ZNF883: variants seen among roughly 807,000 people sequenced by gnomAD.
The protein encoded by ZNF883 is zinc finger protein 883.
rs1828545832 is a variant in ZNF883 at position 113,012,137 on chromosome 9, A to G, written n.78+13T>C. 1 of 152,320 alleles carries G rather than the reference A, an allele frequency of 6.6e-6. No individual in the cohort carries two copies. Among genetic ancestry groups the G allele is most frequent in the East Asian group, 1.9e-4 (1 of 5,180 alleles). The allele number at this position is 152,320 out of a possible 1,614,324, so 9.4% of individuals were successfully genotyped here. A position where few individuals can be genotyped will look rare whatever the true frequency, so the allele number is the denominator to read the frequency against. On this transcript the variant is annotated intron_variant and non_coding_transcript_variant, in intron 1 of 4. Coordinates refer to the ZNF883 transcript ENST00000638622. Reference sequence around the variant, plus strand: ...CCCACACGAGTGCAAGGGTCGGGAAAGAAAAAGCTCACCTGCTCCACCGAA... The same window carrying G: ...CCCACACGAGTGCAAGGGTCGGGAAGGAAAAAGCTCACCTGCTCCACCGAA...
At chr9:113,008,568 T>C (rs1828500898) in intron 2 of ZNF883, among the ~76,000 whole-genome samples, 1 of 152,242 alleles carries the variant, frequency 6.6e-6, no homozygotes, top group South Asian at 2.1e-4. Context: ...TAAGTGTTGA[T>C]GGATATTAGA....
chr9:112,999,675 T>TAA, upstream of ZNF883: 1 of 152,314 alleles, frequency 6.6e-6, no homozygotes, highest in South Asian at 2.1e-4. Context: ...ATTTACCAGT[T>TAA]TATTATAAAG....
At chr9:113,001,852 C>G (rs1194865424), upstream of ZNF883, 3 of 152,116 alleles carry the variant, frequency 2.0e-5, no homozygotes, top group African/African-American at 7.2e-5. Context: ...AGACTATTTA[C>G]AAAGTTTTAA....
chr9:113,004,822 T>G (rs1183012576), intron 2 of ZNF883, among the ~76,000 whole-genome samples: 2 of 150,584 alleles, frequency 1.3e-5, no homozygotes, highest in African/African-American at 4.9e-5. Context: ...ACATATTCTA[T>G]AGCTACATTA....
chr9:113,001,321 C>T (rs531950174), upstream of ZNF883, among the ~76,000 whole-genome samples: 23 of 151,940 alleles, frequency 1.5e-4, no homozygotes, highest in African/African-American at 5.1e-4. Context: ...AGCTGGTGAA[C>T]GGCAGAGAAT....
chr9:113,001,191 A>G (rs1828418529), upstream of ZNF883, among the ~76,000 whole-genome samples: 1 of 151,938 alleles, frequency 6.6e-6, no homozygotes, highest in Non-Finnish European at 1.5e-5. Flanking sequence ...GATATTAGCT[A>G]CAAGTCTGAA....
chr9:112,997,427 G>A, exon 1 of ZNF883: 2 of 1,614,018 alleles, frequency 1.2e-6, no homozygotes, highest in South Asian at 2.2e-5. Context: ...AGTAAGGTGT[G>A]TACTTCGACT....
exon 1 of ZNF883, chr9:112,997,470 G>A: frequency 6.2e-7 from 1 of 1,614,100 alleles, no homozygotes; most frequent in Non-Finnish European, 8.5e-7. Context: ...CAAACATAGG[G>A]CTTCTCTCCA....
At chr9:112,997,163 C>G (rs116612685) in exon 1 of ZNF883, 2 of 1,610,280 alleles carry the variant, frequency 1.2e-6, no homozygotes, top group African/African-American at 1.3e-5. Flanking sequence ...TTTCTGATGT[C>G]GAATTAAGGA....
chr9:112,995,342 T>C (rs992640883), downstream of ZNF883, among the ~76,000 whole-genome samples: 1 of 151,844 alleles, frequency 6.6e-6, no homozygotes, highest in Non-Finnish European at 1.5e-5. Flanking sequence ...AACTCAAGAC[T>C]AGAACTTTAC....
upstream of ZNF883, among the ~76,000 whole-genome samples, chr9:112,999,487 C>T (rs746289727): frequency 3.9e-5 from 6 of 152,022 alleles, no homozygotes; most frequent in Non-Finnish European, 8.8e-5. Flanking sequence ...GCATCATATC[C>T]CTCAAGTTAA....
In ZNF883 at chr9:112,997,252, T is replaced by C. The variant is rs777319616; in HGVS notation, n.1008A>G. 18 of 1,614,008 alleles carry C rather than the reference T, an allele frequency of 1.1e-5. No homozygotes were observed. In the South Asian group the frequency reaches 1.8e-4, roughly 16 times the overall value. On this transcript the variant is annotated non_coding_transcript_exon_variant, in exon 1 of 1. Coordinates refer to ENST00000639662, the Ensembl canonical transcript of ZNF883. ...TTGTATGTATTCGCTTATGTTTAGT[T>C]AGAGCTGAGCTTAAGCTGAAGGATT... is the stretch of plus-strand genomic sequence containing the variant.
In ZNF883 at chr9:112,997,172, G is replaced by T. The variant is rs758265345; in HGVS notation, n.1088C>A. The T allele has an allele frequency of 5.0e-6, 8 of 1,612,562 alleles. No individual in the cohort carries two copies. The South Asian group carries it at 7.7e-5, about 16-fold the overall frequency. ...ATGAGTTTTCTGATGTCGAATTAAG[G>T]ATGTACTATGACAAAAGACATCACC... On this transcript the variant is annotated non_coding_transcript_exon_variant, in exon 1 of 1. Transcript: ENST00000639662.
chr9:112,993,695 C>G (rs1406107075), downstream of ZNF883, among the ~76,000 whole-genome samples: 2 of 152,238 alleles, frequency 1.3e-5, no homozygotes, highest in Admixed American at 6.5e-5. Context: ...CCACCCCTCC[C>G]CACAAGAGCT....
downstream of ZNF883, among the ~76,000 whole-genome samples, chr9:112,993,247 GAT>G (rs757457430): frequency 2.0e-5 from 3 of 152,192 alleles, no homozygotes; most frequent in Non-Finnish European, 2.9e-5. Context: ...CTGACCTTTG[GAT>G]ATGTTTTTTG....
downstream of ZNF883, among the ~76,000 whole-genome samples, chr9:112,996,793 A>G (rs1452238086): frequency 6.3e-5 from 2 of 31,914 alleles, no homozygotes; most frequent in African/African-American, 2.4e-4. Flanking sequence ...TCCGTCTCAA[A>G]AAAAAAAAAA....
intron 2 of ZNF883, among the ~76,000 whole-genome samples, chr9:113,010,292 GC>G (rs1168396276): frequency 2.6e-5 from 4 of 152,202 alleles, no homozygotes; most frequent in African/African-American, 9.6e-5. Flanking sequence ...GTACAAATCT[GC>G]CCAACAGGCT....
At chr9:113,010,337 A>G (rs1828520027) in intron 2 of ZNF883, among the ~76,000 whole-genome samples, 1 of 152,210 alleles carries the variant, frequency 6.6e-6, no homozygotes, top group Non-Finnish European at 1.5e-5. Context: ...TAAGAGTGAG[A>G]TGGGAGAATC....
At chr9:113,010,462 T>C (rs1478534363) in intron 2 of ZNF883, among the ~76,000 whole-genome samples, 1 of 152,204 alleles carries the variant, frequency 6.6e-6, no homozygotes, top group Non-Finnish European at 1.5e-5. Flanking sequence ...ATGTATATTA[T>C]TGCATGGTTG....
Sources: allele counts gnomAD v4.1 joint callset (sites outside exome capture counted in the v4.1 genomes callset), GRCh38; gene constraint gnomAD v4.1.1; transcripts MANE v1.5; gene names NCBI Gene and HGNC (gene_info 2026-07-23, HGNC 2026-07-21).